MARCHF3: variants seen among roughly 807,000 people sequenced by gnomAD.
MARCHF3 encodes E3 ubiquitin-protein ligase MARCHF3.
In MARCHF3, 13 loss-of-function variants were observed where a neutral mutation model predicts 24.2. The observed-to-expected ratio is 0.54, with a 90% CI of 0.35 to 0.85. The LOEUF (loss-of-function observed/expected upper bound fraction) is 0.85. Among genes scored for constraint, MARCHF3 ranks in the 40% least tolerant of loss-of-function variants. MARCHF3 has a pLI of 0.01. For synonymous variants in MARCHF3, 144 were observed against 137.3 expected, an observed-to-expected ratio of 1.05 and a Z score of -0.34; for missense variants, 276 against 325.0, an observed-to-expected ratio of 0.85 and a Z score of 1.16.
intron 1 of MARCHF3, among the ~76,000 whole-genome samples, chr5:126,951,983 A>T (rs1354639172): frequency 6.6e-6 from 1 of 152,046 alleles, no homozygotes; most frequent in Admixed American, 6.6e-5. Context: ...AGTACCTGGG[A>T]TTACAGGCGC....
chr5:126,881,752 G>A (rs1188768743), intron 3 of MARCHF3, among the ~76,000 whole-genome samples: 1 of 151,562 alleles, frequency 6.6e-6, no homozygotes, highest in East Asian at 1.9e-4. Context: ...CATTGTGAGT[G>A]GTTTAAAACT....
At chr5:126,927,558 C>T (rs1561432102) in intron 1 of MARCHF3, among the ~76,000 whole-genome samples, 1 of 152,178 alleles carries the variant, frequency 6.6e-6, no homozygotes, top group Non-Finnish European at 1.5e-5. Context: ...TGCATCAGTC[C>T]CCTGCATCTT....
chr5:127,010,900 T>C (rs1034498997), intron 1 of MARCHF3, among the ~76,000 whole-genome samples: 1 of 151,968 alleles, frequency 6.6e-6, no homozygotes, highest in Non-Finnish European at 1.5e-5. Context: ...GCTAGGAGCT[T>C]GGGAGTTTTG....
chr5:126,870,903 T>C, intron 4 of MARCHF3, 112 bp from the exon 5 acceptor site: 2 of 1,416,158 alleles, frequency 1.4e-6, no homozygotes, highest in South Asian at 2.8e-5. Flanking sequence ...CTGGAAGCAC[T>C]ATGGCAGGGC....
chr5:126,927,871 A>G (rs1749347458), intron 1 of MARCHF3, among the ~76,000 whole-genome samples: 1 of 152,112 alleles, frequency 6.6e-6, no homozygotes, highest in Non-Finnish European at 1.5e-5. Flanking sequence ...AGCCTGTTTG[A>G]TAGAAACAAA....
intron 1 of MARCHF3, among the ~76,000 whole-genome samples, chr5:126,962,125 C>T (rs1449194382): frequency 6.6e-6 from 1 of 152,130 alleles, no homozygotes; most frequent in Non-Finnish European, 1.5e-5. Context: ...GGGTCTATGA[C>T]ATTAACATGA....
chr5:126,974,733 C>T (rs1020348289), intron 1 of MARCHF3, among the ~76,000 whole-genome samples: 2 of 152,134 alleles, frequency 1.3e-5, no homozygotes, highest in Non-Finnish European at 2.9e-5. Context: ...TTTACTCAGA[C>T]AATAAGAAAG....
intron 1 of MARCHF3, among the ~76,000 whole-genome samples, chr5:126,960,015 G>A (rs1750588087): frequency 6.6e-6 from 1 of 152,154 alleles, no homozygotes; most frequent in Non-Finnish European, 1.5e-5. Context: ...GGAGGGGTTT[G>A]AGTTAGAGTT....
chr5:126,998,649 G>A (rs1197100301), intron 1 of MARCHF3, among the ~76,000 whole-genome samples: 3 of 152,170 alleles, frequency 2.0e-5, no homozygotes, highest in Non-Finnish European at 4.4e-5. Context: ...GGGTAAGAAG[G>A]AGGCCACCTC....
intron 3 of MARCHF3, among the ~76,000 whole-genome samples, chr5:126,907,417 G>T (rs1167071713): frequency 1.4e-5 from 2 of 140,604 alleles, no homozygotes; most frequent in Non-Finnish European, 3.1e-5. Flanking sequence ...TGACAGTGGG[G>T]TGTTAAAGTC....
At chr5:126,983,358 TA>T (rs1240758028) in intron 1 of MARCHF3, among the ~76,000 whole-genome samples, 1 of 152,166 alleles carries the variant, frequency 6.6e-6, no homozygotes, top group Non-Finnish European at 1.5e-5. Context: ...GGACAGGAAC[TA>T]GCCCTCTGCC....
chr5:126,895,189 G>T (rs548598395), intron 3 of MARCHF3, among the ~76,000 whole-genome samples: 1 of 152,098 alleles, frequency 6.6e-6, no homozygotes, highest in Admixed American at 6.6e-5. Flanking sequence ...CTCTGTATTG[G>T]TTATTCCTGT....
At chr5:126,990,202 T>C (rs1404323921) in intron 1 of MARCHF3, among the ~76,000 whole-genome samples, 1 of 151,200 alleles carries the variant, frequency 6.6e-6, no homozygotes, top group East Asian at 1.9e-4. Context: ...AACAGAGATA[T>C]AGACCAATGG....
chr5:126,953,046 A>G (rs558164732), intron 1 of MARCHF3, among the ~76,000 whole-genome samples: 43 of 152,318 alleles, frequency 2.8e-4, no homozygotes, highest in African/African-American at 1.0e-3. Flanking sequence ...CCAAACCTCA[A>G]GGTCAAGTCT....
chr5:126,968,493 G>C (rs377440993), intron 1 of MARCHF3, among the ~76,000 whole-genome samples: 8 of 152,332 alleles, frequency 5.3e-5, no homozygotes, highest in African/African-American at 1.9e-4. Context: ...TAAAGAGGCT[G>C]AGCATCTTTT....
chr5:126,885,654 C>A (rs1753490170), intron 3 of MARCHF3, among the ~76,000 whole-genome samples: 1 of 152,020 alleles, frequency 6.6e-6, no homozygotes, highest in South Asian at 2.1e-4. Context: ...CTAGGTCTGA[C>A]CAGAAATGAT....
At chr5:126,995,074 G>A (rs528854742) in intron 1 of MARCHF3, among the ~76,000 whole-genome samples, 9 of 152,166 alleles carry the variant, frequency 5.9e-5, no homozygotes, top group African/African-American at 1.2e-4. Context: ...AAGGTGGGTC[G>A]GCCTCTCCCA....
chr5:127,001,398 T>C (rs185424899), intron 1 of MARCHF3, among the ~76,000 whole-genome samples: 15 of 152,318 alleles, frequency 9.8e-5, no homozygotes, highest in Non-Finnish European at 1.3e-4. Context: ...AAGCTTCTGA[T>C]CTAAATTCTA....
intron 1 of MARCHF3, chr5:126,946,391 GGAATA>G (rs964193899): frequency 5.2e-5 from 7 of 133,640 alleles, no homozygotes; most frequent in African/African-American, 1.6e-4. Flanking sequence ...AAAAAAAAAA[GGAATA>G]GAATTAAATT....
Sources: allele counts gnomAD v4.1 joint callset (sites outside exome capture counted in the v4.1 genomes callset), GRCh38; gene constraint gnomAD v4.1.1; transcripts MANE v1.5; gene names NCBI Gene and HGNC (gene_info 2026-07-23, HGNC 2026-07-21).